Variants in TMEM37 observed in about 807,000 individuals in gnomAD.
TMEM37 encodes the protein transmembrane protein 37.
A neutral mutation model predicts 11.0 loss-of-function variants in TMEM37; 12 were observed. That is an observed-to-expected ratio of 1.09 (90% CI 0.70 to 1.76). The LOEUF (loss-of-function observed/expected upper bound fraction) is 1.76, where lower values mean the gene tolerates loss of function less well. TMEM37 is among the 40% of genes most tolerant of loss of function. The pLI is 0.00. For synonymous variants in TMEM37, 127 were observed against 110.5 expected, an observed-to-expected ratio of 1.15 and a Z score of -0.94; for missense variants, 203 against 251.2, an observed-to-expected ratio of 0.81 and a Z score of 1.30.
upstream of TMEM37, among the ~76,000 whole-genome samples, chr2:119,430,579 T>G (rs1360786509): frequency 6.6e-6 from 1 of 152,222 alleles, no homozygotes; most frequent in Non-Finnish European, 1.5e-5. Context: ...ATACAGACAA[T>G]TGTAACTACC....
At chr2:119,430,411 G>A (rs1157461269), upstream of TMEM37, 1 of 475,886 alleles carries the variant, frequency 2.1e-6, no homozygotes, top group African/African-American at 2.0e-5. Flanking sequence ...TGGGTAAGTG[G>A]AGTCCCAGCT....
At chr2:119,432,085 G>A (rs977696839) in intron 1 of TMEM37, 161 bp downstream of exon 1, 2 of 443,368 alleles carry the variant, frequency 4.5e-6, no homozygotes, top group African/African-American at 4.1e-5. Flanking sequence ...CCTGGGTCCG[G>A]AGGAGGCTGG....
Position 119,437,615 on chromosome 2 carries a change from C to T in TMEM37, c.*175C>T. On this transcript the variant is annotated 3_prime_UTR_variant, in exon 2 of 2. Coordinates refer to ENST00000306406, the MANE Select transcript of TMEM37 (RefSeq NM_183240.3). ...TCAGCCAGAAATGGCCCGGGGGCCT[C>T]TGCACCTGGTCTGCAGGGCCAGAGG... 1 of 799,758 alleles carries T rather than the reference C, an allele frequency of 1.3e-6. No individual in the cohort carries two copies. The highest frequency in any genetic ancestry group is 1.8e-5 in the South Asian group (1 of 54,714). The allele number at this position is 799,758 out of a possible 1,614,324, so 49.5% of individuals were successfully genotyped here.
chr2:119,430,061 C>A, upstream of TMEM37: 1 of 1,215,302 alleles, frequency 8.2e-7, no homozygotes, highest in Non-Finnish European at 1.2e-6. Flanking sequence ...GATACCCCCG[C>A]AACAGGACAG....
Position 119,438,145 on chromosome 2 carries a change from C to T in TMEM37, c.*705C>T, listed in dbSNP as rs901736277. 1 of 152,108 alleles carries T rather than the reference C, an allele frequency of 6.6e-6. No homozygotes were observed. The highest frequency in any genetic ancestry group is 2.4e-5 in the African/African-American group (1 of 41,394). The allele number at this position is 152,108 out of a possible 1,614,324, so 9.4% of individuals were successfully genotyped here. The stretch of plus-strand genomic sequence containing the variant: ...CTGTGCCTCTGGGAGCTCTGCCTAT[C>T]AGAACCCTACCTTAAGGTGGGTTTC... On this transcript the variant is annotated 3_prime_UTR_variant, in exon 2 of 2. Transcript: ENST00000306406.
intron 1 of TMEM37, 186 bp downstream of exon 1, chr2:119,432,110 C>T (rs997507313): frequency 5.1e-6 from 2 of 390,412 alleles, no homozygotes; most frequent in Admixed American, 9.2e-5. Context: ...GGAGCAACCT[C>T]GGGGGGCCTG....
chr2:119,434,980 C>T (rs1295013719), intron 1 of TMEM37, among the ~76,000 whole-genome samples: 1 of 152,172 alleles, frequency 6.6e-6, no homozygotes, highest in Non-Finnish European at 1.5e-5. Context: ...TGAACGGATT[C>T]CACCTCCTGC....
At chr2:119,431,517 A>G (rs1049271315), upstream of TMEM37, among the ~76,000 whole-genome samples, 6 of 152,228 alleles carry the variant, frequency 3.9e-5, no homozygotes, top group Admixed American at 2.0e-4. Flanking sequence ...ACAGGAATCG[A>G]ACCCTCAGGC....
chr2:119,429,918 T>C (rs1453511316), upstream of TMEM37: 1 of 1,550,408 alleles, frequency 6.4e-7, no homozygotes, highest in South Asian at 1.2e-5. Flanking sequence ...GAGAAGGCAG[T>C]GGGTGCAGAT....
At chr2:119,431,833 C>G (rs1682401200), upstream of TMEM37, 5 of 1,220,566 alleles carry the variant, frequency 4.1e-6, no homozygotes, top group Non-Finnish European at 5.1e-6. Flanking sequence ...GGAGAAGTCC[C>G]GGGCTGGCGC....
intron 1 of TMEM37, among the ~76,000 whole-genome samples, chr2:119,434,471 T>G (rs1682462141): frequency 6.6e-6 from 1 of 151,490 alleles, no homozygotes; most frequent in East Asian, 1.9e-4. Flanking sequence ...TTTTTTTTTT[T>G]GTAATAAAAT....
At chr2:119,431,850 C>T, upstream of TMEM37, 3 of 1,231,544 alleles carry the variant, frequency 2.4e-6, no homozygotes, top group South Asian at 3.7e-5. Context: ...GCGCCGGCGG[C>T]CACAGCGGAG....
chr2:119,431,626 G>A (rs1209246586), upstream of TMEM37, among the ~76,000 whole-genome samples: 1 of 150,604 alleles, frequency 6.6e-6, no homozygotes, highest in East Asian at 2.0e-4. Flanking sequence ...CTTTCCCCTG[G>A]GACCCGAGGG....
At chr2:119,433,000 C>T (rs1298582433) in intron 1 of TMEM37, among the ~76,000 whole-genome samples, 2 of 152,202 alleles carry the variant, frequency 1.3e-5, no homozygotes, top group Non-Finnish European at 1.5e-5. Context: ...GAATTCCTCC[C>T]CTTTGTTCTG....
At chr2:119,431,770 C>T, upstream of TMEM37, 1 of 712,492 alleles carries the variant, frequency 1.4e-6, no homozygotes, top group African/African-American at 1.9e-5. Flanking sequence ...AATCGCCGAG[C>T]TTTGAACGCC....
At chr2:119,429,963 A>G (rs1293746978), upstream of TMEM37, 2 of 1,550,406 alleles carry the variant, frequency 1.3e-6, no homozygotes, top group Non-Finnish European at 1.7e-6. Flanking sequence ...TTTTAATTCC[A>G]GGCACTTCCC....
intron 1 of TMEM37, among the ~76,000 whole-genome samples, chr2:119,435,377 C>T (rs1278333513): frequency 6.6e-6 from 1 of 152,324 alleles, no homozygotes; most frequent in African/African-American, 2.4e-5. Flanking sequence ...ATAGGACACA[C>T]CCCATGTTCC....
upstream of TMEM37, chr2:119,430,330 T>C: frequency 1.9e-6 from 1 of 528,604 alleles, no homozygotes; most frequent in Non-Finnish European, 3.8e-6. Flanking sequence ...CCTCGCAATC[T>C]GTTTTAACAA....
At chr2:119,434,962 T>C (rs1682470568) in intron 1 of TMEM37, among the ~76,000 whole-genome samples, 1 of 152,314 alleles carries the variant, frequency 6.6e-6, no homozygotes, top group African/African-American at 2.4e-5. Context: ...TAGTCAGTAT[T>C]TATTCGCTGA....
Sources: allele counts gnomAD v4.1 joint callset (sites outside exome capture counted in the v4.1 genomes callset), GRCh38; gene constraint gnomAD v4.1.1; transcripts MANE v1.5; gene names NCBI Gene and HGNC (gene_info 2026-07-23, HGNC 2026-07-21).